CSMD1: variants seen among roughly 807,000 people sequenced by gnomAD.
The protein encoded by CSMD1 is CUB and Sushi multiple domains 1.
Under a neutral mutation model 417.5 loss-of-function variants are expected in CSMD1, and 213 were observed. The ratio of observed to expected loss-of-function variants is 0.51; its 90% CI spans 0.46 to 0.57. The LOEUF is 0.57. CSMD1 is among the 20% of genes least tolerant of loss of function. The probability of loss-of-function intolerance (pLI) is 0.00; values close to 1 mark genes in which losing one functional copy is unlikely to be tolerated. For missense variants in CSMD1, 6,923 were observed against 4,529.7 expected, an observed-to-expected ratio of 1.53 and a Z score of -15.17; for synonymous variants, 2,862 against 1,736.8, an observed-to-expected ratio of 1.65 and a Z score of -16.11.
chr8:3,439,924 T>A (rs78752344), intron 12 of CSMD1, among the ~76,000 whole-genome samples: 1 of 152,198 alleles, frequency 6.6e-6, no homozygotes, highest in Non-Finnish European at 1.5e-5. Context: ...TCTTCCTCCA[T>A]TGAATTGCTT....
chr8:3,201,583 A>G (rs1350466756), intron 32 of CSMD1, 29 bp downstream of exon 32: 2 of 1,402,822 alleles, frequency 1.4e-6, no homozygotes, highest in East Asian at 2.4e-5. Flanking sequence ...GTCTGAACTA[A>G]ATTAAGGGCA....
chr8:4,872,825 T>C (rs1213024167), intron 1 of CSMD1, among the ~76,000 whole-genome samples: 2 of 152,144 alleles, frequency 1.3e-5, no homozygotes, highest in African/African-American at 4.8e-5. Flanking sequence ...TTGCCCTTTA[T>C]GAAACAAGTT....
At chr8:4,189,101 C>G (rs979054614) in intron 3 of CSMD1, among the ~76,000 whole-genome samples, 2 of 152,178 alleles carry the variant, frequency 1.3e-5, no homozygotes, top group Non-Finnish European at 2.9e-5. Context: ...ATGACATTCA[C>G]GTTTTGGTTT....
chr8:3,119,085 CG>C (rs1161392997), intron 41 of CSMD1, among the ~76,000 whole-genome samples: 1 of 151,874 alleles, frequency 6.6e-6, no homozygotes, highest in Non-Finnish European at 1.5e-5. Flanking sequence ...GAGGCTGAGG[CG>C]GGAGAATGGC....
Position 3,425,609 on chromosome 8 carries a change from A to C in CSMD1, c.1562-16004T>G, listed in dbSNP as rs562261379. The stretch of plus-strand genomic sequence containing the variant: ...TCTCAAAAAAAAAAAAAAAAAGAAG[A>C]AAGAAAAAAGGAAAAAAAAGGAAAT... On this transcript the variant is annotated intron_variant, in intron 12 of 69. Transcript: ENST00000635120. Among the ~76,000 whole-genome samples the C allele has an allele frequency of 3.4e-4, 51 of 150,378 alleles. 1 individual carries two copies. The East Asian group carries it at 9.4e-3, about 28-fold the overall frequency.
intron 1 of CSMD1, among the ~76,000 whole-genome samples, chr8:4,666,364 G>C (rs996359201): frequency 6.6e-6 from 1 of 152,148 alleles, no homozygotes; most frequent in Non-Finnish European, 1.5e-5. Flanking sequence ...GAGGGAGGCA[G>C]AGTCAGTGTG....
At chr8:3,650,804 T>C (rs1193297657) in intron 7 of CSMD1, among the ~76,000 whole-genome samples, 1 of 152,190 alleles carries the variant, frequency 6.6e-6, no homozygotes, top group Non-Finnish European at 1.5e-5. Flanking sequence ...TTTTCCTTTC[T>C]CATGGGTTCA....
At chr8:3,499,557 G>A (rs1196789332) in intron 10 of CSMD1, among the ~76,000 whole-genome samples, 1 of 152,078 alleles carries the variant, frequency 6.6e-6, no homozygotes, top group African/African-American at 2.4e-5. Context: ...TTGGTCTCCT[G>A]CAAGAGGCAT....
chr8:3,326,200 T>C (rs1806520408), intron 23 of CSMD1, among the ~76,000 whole-genome samples: 1 of 152,210 alleles, frequency 6.6e-6, no homozygotes, highest in African/African-American at 2.4e-5. Flanking sequence ...ATATACATGT[T>C]GGTCAGTTAG....
At chr8:3,604,625 A>G (rs1170091865) in intron 8 of CSMD1, among the ~76,000 whole-genome samples, 2 of 152,332 alleles carry the variant, frequency 1.3e-5, no homozygotes, top group East Asian at 3.9e-4. Flanking sequence ...AGTAAGCAAG[A>G]AAAGGAATCA....
At chr8:4,057,076 G>C (rs1369591075) in intron 3 of CSMD1, among the ~76,000 whole-genome samples, 5 of 152,144 alleles carry the variant, frequency 3.3e-5, no homozygotes, top group Admixed American at 6.5e-5. Context: ...GGGTCAAATG[G>C]TATTTGTAGT....
At chr8:3,932,276 A>G (rs1261932795) in intron 5 of CSMD1, among the ~76,000 whole-genome samples, 1 of 150,540 alleles carries the variant, frequency 6.6e-6, no homozygotes. Flanking sequence ...GTTGGTTGAG[A>G]ATTCTCAAGA....
chr8:3,349,754 T>G (rs529303514), intron 21 of CSMD1, among the ~76,000 whole-genome samples: 3 of 142,848 alleles, frequency 2.1e-5, no homozygotes, highest in East Asian at 3.9e-4. Context: ...CTTTATATAG[T>G]TATAGCTATA....
intron 3 of CSMD1, among the ~76,000 whole-genome samples, chr8:4,181,576 G>A (rs972261288): frequency 6.6e-6 from 1 of 152,052 alleles, no homozygotes; most frequent in Non-Finnish European, 1.5e-5. Context: ...AAGCCTTACT[G>A]GGCCACAGGA....
chr8:3,797,054 G>A (rs1245315336), intron 5 of CSMD1, among the ~76,000 whole-genome samples: 1 of 151,714 alleles, frequency 6.6e-6, no homozygotes, highest in African/African-American at 2.4e-5. Context: ...TACGTGGTAG[G>A]GCAATGTATC....
chr8:4,317,258 A>C (rs920143637), intron 3 of CSMD1, among the ~76,000 whole-genome samples: 39 of 151,996 alleles, frequency 2.6e-4, no homozygotes, highest in Admixed American at 1.4e-3. Context: ...TTTTTTTACT[A>C]TGTATGATTT....
intron 3 of CSMD1, among the ~76,000 whole-genome samples, chr8:4,074,318 G>A (rs993496274): frequency 3.9e-5 from 6 of 151,984 alleles, no homozygotes; most frequent in Admixed American, 6.6e-5. Context: ...AAAAACTATA[G>A]ATTAACAGTA....
intron 3 of CSMD1, among the ~76,000 whole-genome samples, chr8:4,049,251 C>T (rs1341772028): frequency 6.6e-6 from 1 of 151,988 alleles, no homozygotes; most frequent in African/African-American, 2.4e-5. Context: ...ACATCACTGG[C>T]ATTTTGTATG....
At chr8:4,176,815 G>C (rs1798073122) in intron 3 of CSMD1, among the ~76,000 whole-genome samples, 2 of 147,394 alleles carry the variant, frequency 1.4e-5, no homozygotes, top group South Asian at 2.3e-4. Context: ...AACCAACAAC[G>C]ATCAAAAGAG....
Sources: gnomAD v4.1 joint callset for allele counts (sites outside exome capture counted in the v4.1 genomes callset) on GRCh38, gnomAD v4.1.1 for gene constraint, MANE v1.5 for transcripts, NCBI Gene and HGNC (gene_info 2026-07-23, HGNC 2026-07-21) for gene names.